Variants in NAV1 observed in about 807,000 individuals in gnomAD.
The protein encoded by NAV1 is neuron navigator 1.
A neutral mutation model predicts 175.2 loss-of-function variants in NAV1; 18 were observed. That is an observed-to-expected ratio of 0.10 (90% CI 0.07 to 0.15). The LOEUF (loss-of-function observed/expected upper bound fraction) is 0.15, where lower values mean the gene tolerates loss of function less well. Ranked by LOEUF, NAV1 falls within the 10% of genes least tolerant of loss-of-function variation. NAV1 has a pLI of 1.00. For synonymous variants in NAV1, 897 were observed against 978.7 expected, an observed-to-expected ratio of 0.92 and a Z score of 1.56; for missense variants, 1,731 against 2,436.6, an observed-to-expected ratio of 0.71 and a Z score of 6.10.
At chr1:201,629,538 G>A (rs747861150) in intron 2 of NAV1, 31 bp downstream of exon 4, 1 of 1,283,634 alleles carries the variant, frequency 7.8e-7, no homozygotes, top group South Asian at 1.3e-5. Context: ...TTCCTCCTAG[G>A]GTCGGGAGGC....
At position 201,718,654 on chromosome 1, in the gene NAV1, C is replaced by T. The variant is rs777453827; in HGVS notation, c.1125C>T (p.Val375=). 3.7e-6 allele frequency: 6 copies of T among 1,614,164 alleles called. No homozygotes were observed. The South Asian group carries it at 4.4e-5, about 12-fold the overall frequency. Residue 375 remains valine, a synonymous_variant, in exon 3 of 30, where the codon GTC becomes GTT. Transcript: ENST00000367296. The surrounding 1 kb of genome is among the most constrained non-coding windows in gnomAD (Gnocchi z 4.8). ...GCCATATCTCCCGCCTGGAGCTGGT[C>T]GAATCCCTGGACTCGGATGAGGTGG...
chr1:201,576,886 G>T (rs1666706900), intron 1 of NAV1, among the ~76,000 whole-genome samples: 1 of 152,182 alleles, frequency 6.6e-6, no homozygotes, highest in African/African-American at 2.4e-5. Context: ...AATTGCTAAT[G>T]ATTTTGAATT....
At chr1:201,644,060 T>C (rs968964826), upstream of NAV1, among the ~76,000 whole-genome samples, 1 of 152,100 alleles carries the variant, frequency 6.6e-6, no homozygotes, top group African/African-American at 2.4e-5. Flanking sequence ...GCGCTGAGGA[T>C]TGGGGACTTT....
intron 1 of NAV1, among the ~76,000 whole-genome samples, chr1:201,564,857 T>C (rs1056126927): frequency 2.0e-5 from 3 of 152,220 alleles, no homozygotes; most frequent in Non-Finnish European, 4.4e-5. Flanking sequence ...ATCTTTGGTG[T>C]GTGGCCCCTT....
intron 1 of NAV1, among the ~76,000 whole-genome samples, chr1:201,695,267 C>T (rs1235370425): frequency 4.6e-5 from 7 of 152,238 alleles, no homozygotes; most frequent in Non-Finnish European, 1.5e-5. Context: ...CGAGGGCTCT[C>T]TTAACAGCTT....
At chr1:201,731,865 C>A (rs1672871957) in intron 3 of NAV1, among the ~76,000 whole-genome samples, 1 of 152,186 alleles carries the variant, frequency 6.6e-6, no homozygotes, top group Non-Finnish European at 1.5e-5. Flanking sequence ...ATCTGGCTGT[C>A]ACTGCCCCTT....
rs1676940832 is a variant in NAV1 at position 201,788,946 on chromosome 1, C to T, written c.3166+308C>T. Reference sequence around the variant, plus strand: ...TCTGAAAACCACAGCTTCTCTCCTCCTCATTCTAGCCATAGTCTTTCCTCC... The same window carrying T: ...TCTGAAAACCACAGCTTCTCTCCTCTTCATTCTAGCCATAGTCTTTCCTCC... On this transcript the variant is annotated intron_variant, in intron 10 of 29. Coordinates refer to ENST00000367296, the Ensembl canonical transcript of NAV1. The surrounding 1 kb of genome is among the most constrained non-coding windows in gnomAD (Gnocchi z 5.7). 6.6e-6 allele frequency among the ~76,000 whole-genome samples: 1 copy of T among 152,176 alleles called. No homozygotes were observed. The highest frequency in any genetic ancestry group is 2.4e-5 in the African/African-American group (1 of 41,430).
At chr1:201,555,895 G>C (rs998853925) in intron 1 of NAV1, among the ~76,000 whole-genome samples, 5 of 151,726 alleles carry the variant, frequency 3.3e-5, no homozygotes, top group African/African-American at 1.2e-4. Flanking sequence ...TTTAATAACA[G>C]CTTCTGGGGT....
At chr1:201,781,209 C>A in exon 5 of NAV1, 2 of 1,614,040 alleles carry the variant, frequency 1.2e-6, no homozygotes, top group Non-Finnish European at 1.7e-6. Flanking sequence ...AAAAGCCCAT[C>A]AGCCTGGGCC....
At chr1:201,666,486 G>A (rs981883647) in intron 1 of NAV1, among the ~76,000 whole-genome samples, 5 of 152,202 alleles carry the variant, frequency 3.3e-5, no homozygotes, top group Admixed American at 1.3e-4. Flanking sequence ...ATCCACTGAG[G>A]AGAGATCAGG....
chr1:201,794,469 A>G, exon 15 of NAV1: 1 of 1,613,024 alleles, frequency 6.2e-7, no homozygotes, highest in Non-Finnish European at 8.5e-7. Context: ...CTCTTAGGAC[A>G]CTGAGCTGCT....
At chr1:201,598,697 C>G (rs1667430480) in intron 2 of NAV1, among the ~76,000 whole-genome samples, 1 of 152,196 alleles carries the variant, frequency 6.6e-6, no homozygotes, top group Admixed American at 6.5e-5. Flanking sequence ...CAATTGCCTT[C>G]CCCCGACTAG....
chr1:201,632,546 G>A (rs1477228529), intron 2 of NAV1, among the ~76,000 whole-genome samples: 1 of 152,244 alleles, frequency 6.6e-6, no homozygotes, highest in African/African-American at 2.4e-5. Flanking sequence ...TGACGTTACC[G>A]CGTGCCCACA....
intron 1 of NAV1, among the ~76,000 whole-genome samples, chr1:201,698,812 G>A (rs1034397961): frequency 1.3e-5 from 2 of 152,220 alleles, no homozygotes; most frequent in Non-Finnish European, 2.9e-5. Flanking sequence ...GGAGTGGGCA[G>A]GTGGGTGAAG....
intron 1 of NAV1, among the ~76,000 whole-genome samples, chr1:201,706,251 A>AGG (rs767130315): frequency 3.1e-4 from 36 of 115,514 alleles, no homozygotes; most frequent in Admixed American, 2.4e-3. Context: ...GTTATTAAGA[A>AGG]GGGGTGTGTG....
chr1:201,657,010 A>G (rs1669431733), intron 1 of NAV1, among the ~76,000 whole-genome samples: 1 of 152,172 alleles, frequency 6.6e-6, no homozygotes, highest in African/African-American at 2.4e-5. Flanking sequence ...TTCTCTCTGT[A>G]GGATCCCTAA....
chr1:201,684,663 A>G (rs1479787491), intron 1 of NAV1, among the ~76,000 whole-genome samples: 1 of 151,640 alleles, frequency 6.6e-6, no homozygotes, highest in Non-Finnish European at 1.5e-5. Flanking sequence ...TTGTAGAGAC[A>G]GGGGTTTCAC....
In NAV1 at chr1:201,694,658, C is replaced by T. The variant is rs1182349640; in HGVS notation, c.758-18159C>T. Among the ~76,000 whole-genome samples, 4 of 152,112 alleles carry T rather than the reference C, an allele frequency of 2.6e-5. No individual in the cohort carries two copies. Among genetic ancestry groups the T allele is most frequent in the African/African-American group, 4.8e-5 (2 of 41,424 alleles). On this transcript the variant is annotated intron_variant, in intron 1 of 29. Transcript: ENST00000367296. This position sits in a 1 kb window ranked among gnomAD's most constrained non-coding sequence, Gnocchi z 4.2. Reference sequence around the variant, plus strand: ...CAAAGATGAGAAGTGAACCGGGAGCCGTAAATAGCCAGGAGCCTGTGTTCT... The same window carrying T: ...CAAAGATGAGAAGTGAACCGGGAGCTGTAAATAGCCAGGAGCCTGTGTTCT...
chr1:201,615,262 TC>T (rs1345517224), intron 2 of NAV1, among the ~76,000 whole-genome samples: 8 of 130,862 alleles, frequency 6.1e-5, no homozygotes, highest in Non-Finnish European at 7.6e-5. Context: ...TTTCTTTCTT[TC>T]TTTCTTTTTT....
Sources: allele counts gnomAD v4.1 joint callset (sites outside exome capture counted in the v4.1 genomes callset), GRCh38; gene constraint gnomAD v4.1.1; non-coding constraint Gnocchi (gnomAD v3.1); transcripts MANE v1.5; gene names NCBI Gene and HGNC (gene_info 2026-07-23, HGNC 2026-07-21).